PRDM5: variants seen among roughly 807,000 people sequenced by gnomAD.
The protein encoded by PRDM5 is PR domain zinc finger protein 5.
PRDM5 carries 56 observed loss-of-function variants against 81.2 expected under a neutral mutation model. The ratio of observed to expected loss-of-function variants is 0.69; its 90% CI spans 0.56 to 0.86. The LOEUF (loss-of-function observed/expected upper bound fraction) is 0.86. PRDM5 is among the 40% of genes least tolerant of loss of function. The probability of loss-of-function intolerance (pLI) is 0.00; values close to 1 mark genes in which losing one functional copy is unlikely to be tolerated. For synonymous variants in PRDM5, 267 were observed against 256.4 expected (o/e 1.04, Z -0.39); for missense variants, 697 against 770.1 (o/e 0.91, Z 1.12).
intron 13 of PRDM5, among the ~76,000 whole-genome samples, chr4:120,760,426 G>A (rs1745438692): frequency 6.6e-6 from 1 of 151,878 alleles, no homozygotes; most frequent in Non-Finnish European, 1.5e-5. Context: ...ATACTATATT[G>A]GTAAATATGT....
chr4:120,799,062 C>T (rs1478227386), intron 9 of PRDM5, among the ~76,000 whole-genome samples: 2 of 152,150 alleles, frequency 1.3e-5, no homozygotes, highest in Non-Finnish European at 2.9e-5. Context: ...TTACAGATAT[C>T]TTAAACTCTA....
At chr4:120,800,736 T>C (rs992226311) in intron 8 of PRDM5, among the ~76,000 whole-genome samples, 9 of 152,186 alleles carry the variant, frequency 5.9e-5, no homozygotes, top group Non-Finnish European at 1.3e-4. Context: ...AATGGGTAAC[T>C]ATGTGAGATA....
At chr4:120,853,646 A>G (rs1223006823) in intron 2 of PRDM5, 106 bp from the exon 3 acceptor site, 1 of 1,392,856 alleles carries the variant, frequency 7.2e-7, no homozygotes, top group Non-Finnish European at 1.0e-6. Flanking sequence ...TACCTTTTTT[A>G]TTGATGGGTG....
intron 12 of PRDM5, among the ~76,000 whole-genome samples, 187 bp from the exon 13 acceptor site, chr4:120,777,468 G>A (rs1748346020): frequency 1.3e-5 from 2 of 152,044 alleles, no homozygotes; most frequent in African/African-American, 4.8e-5. Context: ...ATGTGCCTTA[G>A]AATCATGCAT....
intron 1 of PRDM5, among the ~76,000 whole-genome samples, chr4:120,685,611 G>A (rs866634793): frequency 6.6e-6 from 1 of 152,140 alleles, no homozygotes; most frequent in South Asian, 2.1e-4. Flanking sequence ...AATATTTGGA[G>A]GAGCTAAGGC....
chr4:120,793,245 C>T (rs1016772382), intron 10 of PRDM5, among the ~76,000 whole-genome samples: 1 of 152,092 alleles, frequency 6.6e-6, no homozygotes, highest in Non-Finnish European at 1.5e-5. Context: ...GAACTGCACA[C>T]ACAAGGGATC....
intron 2 of PRDM5, among the ~76,000 whole-genome samples, chr4:120,875,451 T>C (rs1762248921): frequency 6.6e-6 from 1 of 152,212 alleles, no homozygotes; most frequent in African/African-American, 2.4e-5. Context: ...GTCATGGCAC[T>C]TGAAATACCT....
intron 13 of PRDM5, among the ~76,000 whole-genome samples, chr4:120,770,392 A>C (rs996718438): frequency 6.6e-6 from 1 of 152,086 alleles, no homozygotes; most frequent in African/African-American, 2.4e-5. Flanking sequence ...AGTACAGTGG[A>C]CACTGTATAA....
chr4:120,899,270 T>C (rs1764983791), intron 2 of PRDM5, among the ~76,000 whole-genome samples: 1 of 152,190 alleles, frequency 6.6e-6, no homozygotes, highest in Non-Finnish European at 1.5e-5. Context: ...TGACTCAGGA[T>C]GTGCCTTCTA....
In PRDM5 at chr4:120,780,927, C is replaced by T. The variant is rs974368254; in HGVS notation, c.1443+216G>A. ...AAAGCTATGGGTTATGAAGAGTCTA[C>T]ATCTAACTCAGGTTCTCATTCATGG... is the stretch of plus-strand genomic sequence containing the variant. On this transcript the variant is annotated intron_variant, in intron 12 of 15. Coordinates refer to ENST00000264808, the MANE Select transcript of PRDM5 (RefSeq NM_018699.4). Among the ~76,000 whole-genome samples, 5 of 152,226 alleles carry T rather than the reference C, an allele frequency of 3.3e-5. No individual in the cohort carries two copies. The East Asian group carries it at 7.7e-4, about 24-fold the overall frequency.
At chr4:120,898,917 C>T (rs1043273482) in intron 2 of PRDM5, among the ~76,000 whole-genome samples, 20 of 152,118 alleles carry the variant, frequency 1.3e-4, no homozygotes, top group Admixed American at 3.9e-4. Flanking sequence ...CTTTCCATCC[C>T]GCTTCACTCA....
At chr4:120,708,186 T>A (rs1736473983) in intron 15 of PRDM5, among the ~76,000 whole-genome samples, 1 of 152,114 alleles carries the variant, frequency 6.6e-6, no homozygotes, top group African/African-American at 2.4e-5. Flanking sequence ...ACTCAAATAC[T>A]TGTATGCCCA....
chr4:120,828,231 G>A (rs1756269217), intron 3 of PRDM5, among the ~76,000 whole-genome samples: 1 of 152,010 alleles, frequency 6.6e-6, no homozygotes, highest in Non-Finnish European at 1.5e-5. Context: ...GGGTTCAATA[G>A]TATCTACTTC....
chr4:120,843,212 T>C (rs1225939193), intron 3 of PRDM5, among the ~76,000 whole-genome samples: 1 of 152,144 alleles, frequency 6.6e-6, no homozygotes, highest in African/African-American at 2.4e-5. Context: ...TGTGCACCTG[T>C]AATCCCAGCT....
chr4:120,688,167 G>A (rs1733904286), downstream of PRDM5, among the ~76,000 whole-genome samples: 1 of 151,796 alleles, frequency 6.6e-6, no homozygotes, highest in South Asian at 2.1e-4. Context: ...TCTTGAAGTG[G>A]CCATTCTAAT....
At chr4:120,710,171 A>C in intron 15 of PRDM5, 138 bp downstream of exon 15, 1 of 731,686 alleles carries the variant, frequency 1.4e-6, no homozygotes. Flanking sequence ...AAATAGCATA[A>C]GACATTAACA....
Position 120,693,351 on chromosome 4 carries a change from A to G in PRDM5, c.*1760T>C, listed in dbSNP as rs2148981723. ...TATCAAATTTTACAGCTGTCTTTTT[A>G]TATTCAAATGATATTAAACACACTA... On this transcript the variant is annotated 3_prime_UTR_variant, in exon 16 of 16. Transcript: ENST00000264808. The G allele has an allele frequency of 6.6e-6, 1 of 152,276 alleles. No individual in the cohort carries two copies. The highest frequency in any genetic ancestry group is 1.9e-4 in the East Asian group (1 of 5,188). 9.4% of individuals were successfully genotyped at this position (152,276 alleles called of 1,614,324 possible).
intron 13 of PRDM5, among the ~76,000 whole-genome samples, chr4:120,764,426 T>A (rs915193277): frequency 6.6e-6 from 1 of 152,192 alleles, no homozygotes; most frequent in African/African-American, 2.4e-5. Context: ...CATAGCACTA[T>A]AATTTTTACA....
At chr4:120,857,025 A>G (rs1211120692) in intron 2 of PRDM5, among the ~76,000 whole-genome samples, 4 of 152,186 alleles carry the variant, frequency 2.6e-5, no homozygotes, top group African/African-American at 9.6e-5. Flanking sequence ...TTTGATTTGC[A>G]CAGGCTTCCT....
Sources: gnomAD v4.1 joint callset for allele counts (sites outside exome capture counted in the v4.1 genomes callset) on GRCh38, gnomAD v4.1.1 for gene constraint, MANE v1.5 for transcripts, NCBI Gene and HGNC (gene_info 2026-07-23, HGNC 2026-07-21) for gene names.